Variants in MAP2K2 observed in about 807,000 individuals in gnomAD.
MAP2K2 encodes mitogen-activated protein kinase kinase 2.
In MAP2K2, 24 loss-of-function variants were observed where a neutral mutation model predicts 43.7. That is an observed-to-expected ratio of 0.55 (90% CI 0.40 to 0.77). MAP2K2 has a LOEUF of 0.77. Ranked by LOEUF, MAP2K2 falls within the 30% of genes least tolerant of loss-of-function variation. The pLI is 0.00. For missense variants in MAP2K2, 470 were observed against 566.8 expected, an observed-to-expected ratio of 0.83 and a Z score of 1.73; for synonymous variants, 244 against 239.7, an observed-to-expected ratio of 1.02 and a Z score of -0.17.
chr19:4,091,385 T>A (rs1334528215), intron 10 of MAP2K2, among the ~76,000 whole-genome samples: 1 of 152,074 alleles, frequency 6.6e-6, no homozygotes, highest in Admixed American at 6.6e-5. Flanking sequence ...GGAGTTTCAC[T>A]CTTGTTGCCC....
At chr19:4,090,829 T>C (rs1364381177) in intron 10 of MAP2K2, 121 bp from the exon 11 acceptor site, 10 of 734,056 alleles carry the variant, frequency 1.4e-5, no homozygotes, top group Non-Finnish European at 2.0e-5. Context: ...GAGGAGACCC[T>C]CCCTTCCCCA....
chr19:4,095,779 A>C (rs572890653), intron 8 of MAP2K2, among the ~76,000 whole-genome samples: 1 of 152,106 alleles, frequency 6.6e-6, no homozygotes, highest in Non-Finnish European at 1.5e-5. Context: ...ATCTGGATCC[A>C]AAGTTATTTT....
rs11353017 is a variant in MAP2K2, at chr19:4,097,027, CAA to C, written c.984+250_984+251del. On this transcript the variant is annotated intron_variant, in intron 8 of 10. Coordinates refer to ENST00000262948, the MANE Select transcript of MAP2K2 (RefSeq NM_030662.4). ...TGCACTACAAAGCTAGACAATGTCT[CAA>C]AAAAAAAAAAAAAAATTAGCTGGGT... Among the ~76,000 whole-genome samples the C allele has an allele frequency of 0.086, 11,210 of 130,494 alleles. 471 individuals carry two copies. Among genetic ancestry groups the C allele is most frequent in the Middle Eastern group, 0.13 (33 of 258 alleles). 85.6% of individuals were successfully genotyped at this position (130,494 alleles called of 152,430 possible).
intron 2 of MAP2K2, among the ~76,000 whole-genome samples, chr19:4,114,068 G>A (rs1398566704): frequency 6.6e-6 from 1 of 152,206 alleles, no homozygotes; most frequent in African/African-American, 2.4e-5. Context: ...TGAGGCGGGA[G>A]GATCGCTTCA....
chr19:4,094,311 G>A (rs2040883561), intron 10 of MAP2K2, 142 bp downstream of exon 10: 15 of 851,676 alleles, frequency 1.8e-5, no homozygotes, highest in Non-Finnish European at 2.5e-5. Flanking sequence ...GGTCCTCGGC[G>A]TGGCCTGGCA....
chr19:4,123,380 CCTCTT>C (rs1297045925), intron 1 of MAP2K2, among the ~76,000 whole-genome samples: 1 of 152,032 alleles, frequency 6.6e-6, no homozygotes, highest in African/African-American at 2.4e-5. Context: ...CCCATCCTCT[CCTCTT>C]AGAGACATCC....
intron 3 of MAP2K2, chr19:4,103,017 G>A (rs2041037412): frequency 1.2e-5 from 13 of 1,059,456 alleles, no homozygotes; most frequent in Admixed American, 4.9e-5. Context: ...AAGCCCTGCG[G>A]CTCCACTGCT....
In MAP2K2 at chr19:4,101,207, G is replaced by A. The variant is rs1199668455; in HGVS notation, c.580+22C>T. ...TTGCCTGCCGGCCCCCGGGGCTCTG[G>A]GGAGGGCGGGCTGGGCCTTACCTCG... On this transcript the variant is annotated intron_variant, in intron 5 of 10. Coordinates refer to ENST00000262948, the MANE Select transcript of MAP2K2 (RefSeq NM_030662.4). The surrounding 1 kb of genome is among the most constrained non-coding windows in gnomAD (Gnocchi z 6.3). The A allele has an allele frequency of 6.3e-7, 1 of 1,593,048 alleles. No homozygotes were observed. The highest frequency in any genetic ancestry group is 2.3e-5 in the East Asian group (1 of 43,790).
intron 7 of MAP2K2, 52 bp downstream of exon 7, chr19:4,099,149 C>G: frequency 1.4e-6 from 2 of 1,476,710 alleles, no homozygotes; most frequent in Non-Finnish European, 1.8e-6. Context: ...CACAGCAGGC[C>G]CCGCGCAGGG....
At chr19:4,091,756 C>G (rs2040857692) in intron 10 of MAP2K2, among the ~76,000 whole-genome samples, 1 of 152,146 alleles carries the variant, frequency 6.6e-6, no homozygotes, top group Non-Finnish European at 1.5e-5. Context: ...TCAAGCAATT[C>G]TCCCGCCTCA....
At chr19:4,111,480 C>T (rs1000450256) in intron 2 of MAP2K2, among the ~76,000 whole-genome samples, 1 of 152,148 alleles carries the variant, frequency 6.6e-6, no homozygotes, top group Non-Finnish European at 1.5e-5. Context: ...GGGTCTATCC[C>T]GAGCCCCTTC....
At position 4,108,943 on chromosome 19, in the gene MAP2K2, A is replaced by C. The variant is rs371701851; in HGVS notation, c.450+1566T>G. Reference sequence around the variant, plus strand: ...TCCTCGCCCTTTGATGCCGCCGGCAACGTGACTCTGCGAGCAGCGGGGCAG... The same window carrying C: ...TCCTCGCCCTTTGATGCCGCCGGCACCGTGACTCTGCGAGCAGCGGGGCAG... On this transcript the variant is annotated intron_variant, in intron 3 of 10. Transcript: ENST00000262948. Among the ~76,000 whole-genome samples the C allele has an allele frequency of 2.6e-4, 39 of 152,304 alleles. 1 individual carries two copies. The East Asian group carries it at 3.7e-3, about 14-fold the overall frequency.
At chr19:4,102,986 C>A (rs1167307897) in intron 3 of MAP2K2, 5 of 1,075,202 alleles carry the variant, frequency 4.7e-6, no homozygotes, top group African/African-American at 1.7e-5. Flanking sequence ...CCCGTCCAGA[C>A]CCCCAGGGGG....
At chr19:4,102,612 A>T in intron 3 of MAP2K2, 159 bp from the exon 4 acceptor site, 1 of 893,058 alleles carries the variant, frequency 1.1e-6, no homozygotes, top group Non-Finnish European at 1.8e-6. Context: ...GCGTCTTCTG[A>T]CAGTTCTGCC....
At chr19:4,096,365 G>A (rs934888705) in intron 8 of MAP2K2, among the ~76,000 whole-genome samples, 8 of 152,214 alleles carry the variant, frequency 5.3e-5, no homozygotes, top group Non-Finnish European at 7.3e-5. Flanking sequence ...TCAAATGCCC[G>A]TTTCTCTGCC....
chr19:4,118,842 T>C (rs764117076), intron 1 of MAP2K2, among the ~76,000 whole-genome samples: 1 of 152,220 alleles, frequency 6.6e-6, no homozygotes, highest in African/African-American at 2.4e-5. Flanking sequence ...TATTGGGTGA[T>C]TCAAGGAATC....
intron 3 of MAP2K2, 31 bp from the exon 4 acceptor site, chr19:4,102,484 T>C (rs777194514): frequency 1.4e-5 from 21 of 1,525,026 alleles, no homozygotes; most frequent in Non-Finnish European, 1.7e-5. Context: ...GAGTGCAGGC[T>C]CTGCGCAGGT....
At chr19:4,119,691 G>C (rs556089029) in intron 1 of MAP2K2, among the ~76,000 whole-genome samples, 1 of 152,310 alleles carries the variant, frequency 6.6e-6, no homozygotes, top group Admixed American at 6.5e-5. Flanking sequence ...GGCAATTCTT[G>C]TTTTATGTGT....
intron 2 of MAP2K2, 47 bp from the exon 3 acceptor site, chr19:4,110,702 G>A (rs1218502477): frequency 1.9e-6 from 3 of 1,592,478 alleles, no homozygotes; most frequent in East Asian, 4.5e-5. Flanking sequence ...GCCCGAAAAC[G>A]GGATGAAGGC....
Sources: allele counts gnomAD v4.1 joint callset (sites outside exome capture counted in the v4.1 genomes callset), GRCh38; gene constraint gnomAD v4.1.1; non-coding constraint Gnocchi (gnomAD v3.1); transcripts MANE v1.5; gene names NCBI Gene and HGNC (gene_info 2026-07-23, HGNC 2026-07-21).